NOTCH4: variants seen among roughly 807,000 people sequenced by gnomAD.
NOTCH4 encodes the protein neurogenic locus notch homolog protein 4.
Under a neutral mutation model 189.0 loss-of-function variants are expected in NOTCH4, and 138 were observed. The ratio of observed to expected loss-of-function variants is 0.73; its 90% CI spans 0.64 to 0.84. The LOEUF (loss-of-function observed/expected upper bound fraction) is 0.84, where lower values mean the gene tolerates loss of function less well. Ranked by LOEUF, NOTCH4 falls within the 40% of genes least tolerant of loss-of-function variation. The pLI, the probability that NOTCH4 is intolerant of heterozygous loss-of-function variation, is 0.00. For missense variants in NOTCH4, 2,286 were observed against 2,605.4 expected (o/e 0.88, Z 2.67); for synonymous variants, 942 against 1,032.8 (o/e 0.91, Z 1.69).
In NOTCH4 at chr6:32,202,593, C is replaced by A; in HGVS notation, c.3238G>T (p.Glu1080Ter). Residue 1080 changes from glutamate (E) to a stop codon, truncating the protein, a stop_gained, in exon 21 of 30, where the codon GAA (glutamate) becomes TAA (stop). Coordinates refer to ENST00000375023, the MANE Select transcript of NOTCH4 (RefSeq NM_004557.4). LOFTEE classifies it high-confidence loss of function. The surrounding 1 kb of genome is among the most constrained non-coding windows in gnomAD (Gnocchi z 5.7). ...GFICHCPKGF[E>*]GPTCSHRAPS... Reference sequence around the variant, plus strand: ...GCCCTGTGGCTGCAGGTGGGGCCTTCAAAACCCTGTGGAGGGGAGGGGAGA... The same window carrying A: ...GCCCTGTGGCTGCAGGTGGGGCCTTAAAAACCCTGTGGAGGGGAGGGGAGA... 6.3e-7 allele frequency: 1 copy of A among 1,585,978 alleles called. No homozygotes were observed. Among genetic ancestry groups the A allele is most frequent in the Non-Finnish European group, 8.6e-7 (1 of 1,161,850 alleles).
Position 32,210,970 on chromosome 6 carries a change from T to C in NOTCH4, c.2681-34A>G. On this transcript the variant is annotated intron_variant, in intron 17 of 29. Transcript: ENST00000375023. The surrounding 1 kb of genome is among the most constrained non-coding windows in gnomAD (Gnocchi z 4.8). ...AGAGACAAACAGGGATATACAAAGA[T>C]AAGTGGGGGGCCGGGCGCCATGGCT... 1 of 1,535,044 alleles carries C rather than the reference T, an allele frequency of 6.5e-7. No individual in the cohort carries two copies. Among genetic ancestry groups the C allele is most frequent in the Non-Finnish European group, 8.8e-7 (1 of 1,142,500 alleles).
At chr6:32,214,308 C>A in intron 12 of NOTCH4, 53 bp from the exon 13 acceptor site, 1 of 1,592,582 alleles carries the variant, frequency 6.3e-7, no homozygotes, top group South Asian at 1.1e-5. Flanking sequence ...TGCTTATGTT[C>A]CCCTCCCTGC....
rs184635725 is a variant in NOTCH4, at chr6:32,200,008, G to A, written c.4315+823C>T. On this transcript the variant is annotated intron_variant, in intron 23 of 29. Coordinates refer to ENST00000375023, the MANE Select transcript of NOTCH4 (RefSeq NM_004557.4). This position sits in a 1 kb window ranked among gnomAD's most constrained non-coding sequence, Gnocchi z 5.0. The stretch of plus-strand genomic sequence containing the variant: ...GAAATGCTCATTGTAGCATTTGGAT[G>A]TTGTATTAGGGATGCTGAACCAGTA... Among the ~76,000 whole-genome samples the A allele has an allele frequency of 4.5e-4, 69 of 152,292 alleles. No individual in the cohort carries two copies. The highest frequency in any genetic ancestry group is 3.9e-3 in the Admixed American group (59 of 15,302).
rs924674621 is a variant in NOTCH4 at position 32,199,380 on chromosome 6, A to G, written c.4316-235T>C. Among the ~76,000 whole-genome samples the G allele has an allele frequency of 2.7e-4, 41 of 152,182 alleles. No individual in the cohort carries two copies. Among genetic ancestry groups the G allele is most frequent in the African/African-American group, 8.7e-4 (36 of 41,438 alleles). ...CCAGGAGTTCGAGACCAGCCTGGCC[A>G]ACATGGCAAAACCCCCTCTCTACTA... On this transcript the variant is annotated intron_variant, in intron 23 of 29. Transcript: ENST00000375023. The surrounding 1 kb of genome is among the most constrained non-coding windows in gnomAD (Gnocchi z 4.9).
Position 32,221,215 on chromosome 6 carries a change from C to T in NOTCH4, c.562G>A (p.Gly188Ser). 1 of 1,613,104 alleles carries T rather than the reference C, an allele frequency of 6.2e-7. No individual in the cohort carries two copies. Among genetic ancestry groups the T allele is most frequent in the East Asian group, 2.2e-5 (1 of 44,882 alleles). Residue 188 changes from glycine to serine, a missense_variant, in exon 4 of 30, where the codon GGC becomes AGC. Gly to Ser is a moderately conservative substitution (Grantham distance 56). This residue lies in a region of NOTCH4 where 1,903 missense variants were observed against 2,261.9 expected (regional missense o/e 0.84). Transcript: ENST00000375023. The surrounding 1 kb of genome is among the most constrained non-coding windows in gnomAD (Gnocchi z 4.3). ...IQCHCPPGFE[G>S]HACERDVNEC... The stretch of plus-strand genomic sequence containing the variant: ...TTGACATCACGTTCACAGGCATGGC[C>T]CTCGAAGCCCGGTGGGCAGTGGCAC...
chr6:32,219,880 G>T, intron 7 of NOTCH4, 94 bp from the exon 8 acceptor site: 1 of 1,105,250 alleles, frequency 9.0e-7, no homozygotes, highest in Non-Finnish European at 1.3e-6. Context: ...CCTGCGTGTG[G>T]CAGACGAGAC....
Position 32,221,084 on chromosome 6 carries a change from A to G in NOTCH4, c.693T>C (p.Cys231=). Residue 231 remains cysteine, a synonymous_variant, in exon 4 of 30, where the codon TGT becomes TGC. Transcript: ENST00000375023. This position sits in a 1 kb window ranked among gnomAD's most constrained non-coding sequence, Gnocchi z 4.3. ...GAGGGCAGGGTCCTGCCCGCAGCTC[A>G]CAACGTGGACCCTCCTGCCCCACAG... ...LCPVGQEGPR[C]ELRAGPCPPR... 6.2e-7 allele frequency: 1 copy of G among 1,613,172 alleles called. No individual in the cohort carries two copies. Among genetic ancestry groups the G allele is most frequent in the Non-Finnish European group, 8.5e-7 (1 of 1,179,984 alleles).
At position 32,223,920 on chromosome 6, in the gene NOTCH4, G is replaced by C. The variant is rs1463874957; in HGVS notation, c.9C>G (p.Pro3=). The change falls in exon 1 of 30, where the codon CCC becomes CCG. Residue 3 remains proline, a synonymous_variant. Transcript: ENST00000375023. ...GCAGCAGCAGCAGCAGCAGTGAAGGGGGCTGCATTCCACAGCCCCTTCTCC... is the reference window on the plus strand; with the variant it reads ...GCAGCAGCAGCAGCAGCAGTGAAGGCGGCTGCATTCCACAGCCCCTTCTCC... MQ[P]PSLLLLLLLL... 3 of 1,540,086 alleles carry C rather than the reference G, an allele frequency of 1.9e-6. No individual in the cohort carries two copies. The African/African-American group carries it at 4.2e-5, about 22-fold the overall frequency.
chr6:32,197,175 G>A lies in NOTCH4; in HGVS notation c.5053-103C>T, dbSNP rs8192577. The A allele has an allele frequency of 6.0e-3, 9,069 of 1,518,886 alleles. 71 individuals are homozygous for A. Among genetic ancestry groups the A allele is most frequent in the Middle Eastern group, 0.014 (64 of 4,664 alleles). The allele number at this position is 1,518,886 out of a possible 1,614,324, so 94.1% of individuals were successfully genotyped here. A position where few individuals can be genotyped will look rare whatever the true frequency, so the allele number is the denominator to read the frequency against. ...CGCAATCCATATTCAGCCATCCTCC[G>A]CAGTTTCCCTGTCAGGTTCCCAATC... On this transcript the variant is annotated intron_variant, in intron 27 of 29. Transcript: ENST00000375023.
chr6:32,223,980 CCTCAGAGCTCTCACT>C lies in NOTCH4; in HGVS notation c.-67_-53del. 6.5e-7 allele frequency: 1 copy of C among 1,535,620 alleles called. No individual in the cohort carries two copies. The highest frequency in any genetic ancestry group is 8.7e-7 in the Non-Finnish European group (1 of 1,146,956). ...TCCCTGTCCCTCTTCAGGCAGGGAC[CCTCAGAGCTCTCACT>C]GGGGCAGGAGCCACCTCCTCTGCTC... On this transcript the variant is annotated 5_prime_UTR_variant, in exon 1 of 30. Transcript: ENST00000375023.
At chr6:32,197,671 A>G in intron 26 of NOTCH4, 77 bp from the exon 27 acceptor site, 2 of 1,313,878 alleles carry the variant, frequency 1.5e-6, no homozygotes, top group Non-Finnish European at 1.0e-6. Flanking sequence ...GCTCAGAGAG[A>G]ATCAAAACCT....
rs2127458561 is a variant in NOTCH4, at chr6:32,195,852, G to A, written c.5597C>T (p.Ala1866Val). The change falls in exon 30 of 30, where the codon GCC (alanine) becomes GTC (valine). Residue 1866 changes from alanine (A) to valine (V), a missense_variant. Coordinates refer to ENST00000375023, the MANE Select transcript of NOTCH4 (RefSeq NM_004557.4). This position sits in a 1 kb window ranked among gnomAD's most constrained non-coding sequence, Gnocchi z 5.4. ...TCCGCCCCCACGAGGGCCTGCTCCG[G>A]CTGACAGCGTCCGGCAGCGCGGCAG... ...GALPRCRTLS[A>V]GAGPRGGGAC... is the part of the protein sequence containing the mutation. 6.3e-7 allele frequency: 1 copy of A among 1,596,626 alleles called. No homozygotes were observed. Among genetic ancestry groups the A allele is most frequent in the Non-Finnish European group, 8.5e-7 (1 of 1,178,148 alleles).
rs765978028 is a variant in NOTCH4, at chr6:32,201,362, G to T, written c.3894C>A (p.Ala1298=). 1.9e-6 allele frequency: 3 copies of T among 1,598,868 alleles called. No homozygotes were observed. The highest frequency in any genetic ancestry group is 2.6e-6 in the Non-Finnish European group (3 of 1,172,262). ...DGDPEWGPSL[A]LLVVLSPPAL... ...CTGGGGGGCTCAGTACCACCAGCAG[G>T]GCCAGGGAGGGCCCCCACTCTGGGT... is the stretch of plus-strand genomic sequence containing the variant. Residue 1298 remains alanine, a synonymous_variant, in exon 22 of 30, where the codon GCC becomes GCA. Coordinates refer to ENST00000375023, the MANE Select transcript of NOTCH4 (RefSeq NM_004557.4). This position sits in a 1 kb window ranked among gnomAD's most constrained non-coding sequence, Gnocchi z 5.5.
In NOTCH4 at chr6:32,194,934, T is replaced by C. The variant is rs1016171165; in HGVS notation, c.*503A>G. ...TAGAAGAAGCGCTTCATCCCCACAG[T>C]GGAGTTCTTTGTTGTGAGGGGAGGG... On this transcript the variant is annotated 3_prime_UTR_variant, in exon 30 of 30. Coordinates refer to ENST00000375023, the MANE Select transcript of NOTCH4 (RefSeq NM_004557.4). This position sits in a 1 kb window ranked among gnomAD's most constrained non-coding sequence, Gnocchi z 4.5. 1 of 235,406 alleles carries C rather than the reference T, an allele frequency of 4.2e-6. No individual in the cohort carries two copies. Among genetic ancestry groups the C allele is most frequent in the African/African-American group, 2.2e-5 (1 of 45,414 alleles). 14.6% of individuals were successfully genotyped at this position (235,406 alleles called of 1,614,324 possible).
rs1788960755 is a variant in NOTCH4, at chr6:32,210,800, G to T, written c.2817C>A (p.Cys939Ter). ...GGGCCATGCAGGTGGCCCCGTTCTG[G>T]CAAGGCCTGGACTCACATGGGTTCA... ...DHVNPCESRPCQNGATCMAQP... is the reference protein window; with the variant it reads ...DHVNPCESRP Residue 939 changes from cysteine to a stop codon, truncating the protein, a stop_gained, in exon 18 of 30, where the codon TGC becomes TGA. Transcript: ENST00000375023. LOFTEE classifies it high-confidence loss of function. The surrounding 1 kb of genome is among the most constrained non-coding windows in gnomAD (Gnocchi z 4.8). 1.9e-6 allele frequency: 3 copies of T among 1,612,922 alleles called. No homozygotes were observed. Among genetic ancestry groups the T allele is most frequent in the Non-Finnish European group, 2.5e-6 (3 of 1,180,042 alleles).
At position 32,195,223 on chromosome 6, in the gene NOTCH4, G is replaced by A. The variant is rs1787775127; in HGVS notation, c.*214C>T. 3.5e-6 allele frequency: 2 copies of A among 569,338 alleles called. No homozygotes were observed. The highest frequency in any genetic ancestry group is 6.1e-6 in the Non-Finnish European group (2 of 327,626). The allele number at this position is 569,338 out of a possible 1,614,324, so 35.3% of individuals were successfully genotyped here. A position where few individuals can be genotyped will look rare whatever the true frequency, so the allele number is the denominator to read the frequency against. On this transcript the variant is annotated 3_prime_UTR_variant, in exon 30 of 30. Transcript: ENST00000375023. This position sits in a 1 kb window ranked among gnomAD's most constrained non-coding sequence, Gnocchi z 5.4. ...TGTCTTATTTTCTGGAGGAGGACTG[G>A]GCCTGCCTCATCCTAGCATCTTAAA...
At chr6:32,204,783 C>T (rs1788571628) in intron 18 of NOTCH4, among the ~76,000 whole-genome samples, 1 of 152,218 alleles carries the variant, frequency 6.6e-6, no homozygotes, top group Non-Finnish European at 1.5e-5. Context: ...AGTTAGAACC[C>T]ATTCCTATTT....
At chr6:32,196,806 A>G in intron 28 of NOTCH4, 119 bp downstream of exon 28, 2 of 1,327,974 alleles carry the variant, frequency 1.5e-6, no homozygotes, top group Non-Finnish European at 2.1e-6. Flanking sequence ...TCTCAGATTG[A>G]CCGCCGTAAC....
chr6:32,220,949 G>A (rs1349936056), intron 4 of NOTCH4, 29 bp downstream of exon 4: 1 of 1,592,888 alleles, frequency 6.3e-7, no homozygotes, highest in Non-Finnish European at 8.6e-7. Flanking sequence ...AGAGAGAGGG[G>A]CGGCCGGAGA....
Sources: allele counts gnomAD v4.1 joint callset (sites outside exome capture counted in the v4.1 genomes callset), GRCh38; gene constraint gnomAD v4.1.1; regional missense constraint gnomAD v4.1.1; non-coding constraint Gnocchi (gnomAD v3.1); transcripts MANE v1.5; gene names NCBI Gene and HGNC (gene_info 2026-07-23, HGNC 2026-07-21).